PASK: variants seen among roughly 807,000 people sequenced by gnomAD.
PASK encodes PAS domain-containing serine/threonine-protein kinase.
Under a neutral mutation model 121.0 loss-of-function variants are expected in PASK, and 110 were observed. The ratio of observed to expected loss-of-function variants is 0.91; its 90% CI spans 0.78 to 1.06. PASK has a LOEUF of 1.06. PASK is among the 50% of genes least tolerant of loss of function. PASK has a pLI of 0.00. For synonymous variants in PASK, 686 were observed against 717.8 expected, an observed-to-expected ratio of 0.96 and a Z score of 0.71; for missense variants, 1,643 against 1,702.3, an observed-to-expected ratio of 0.97 and a Z score of 0.61.
chr2:241,117,422 G>T (rs1313484013), intron 12 of PASK, among the ~76,000 whole-genome samples: 1 of 152,240 alleles, frequency 6.6e-6, no homozygotes, highest in Non-Finnish European at 1.5e-5. Flanking sequence ...CACTCTAGGT[G>T]AAGAGGCCTG....
chr2:241,130,956 A>G (rs537295786), intron 9 of PASK, among the ~76,000 whole-genome samples: 3 of 152,340 alleles, frequency 2.0e-5, no homozygotes, highest in South Asian at 4.1e-4. Context: ...ACATATGCAC[A>G]TGCACACATA....
intron 10 of PASK, among the ~76,000 whole-genome samples, chr2:241,124,735 A>G (rs554901826): frequency 6.6e-6 from 1 of 152,208 alleles, no homozygotes; most frequent in African/African-American, 2.4e-5. Flanking sequence ...CTTCTTGTTT[A>G]TATTTCTAAT....
At chr2:241,118,121 CTCAGCTGGCTTTTTTGCAAAACTG>C (rs1336389242) in intron 12 of PASK, among the ~76,000 whole-genome samples, 1 of 152,012 alleles carries the variant, frequency 6.6e-6, no homozygotes, top group Non-Finnish European at 1.5e-5. Context: ...CTATGAGAAT[CTCAGCTGGCTTTTTTGCAAAACTG>C]ACAAGCTCAT....
rs781067196 is a variant in PASK at position 241,135,999 on chromosome 2, T to A, written c.1178A>T (p.Asp393Val). Residue 393 changes from aspartate to valine, a missense_variant, in exon 8 of 18, where the codon GAC (aspartate) becomes GTC (valine). Coordinates refer to ENST00000234040, the MANE Select transcript of PASK (RefSeq NM_015148.4). ...CTGTAATGAGCTGTTGTACGCAAGG[T>A]CCATGTAGCTGTAGAAACCAGGAAT... ...FLIPGFYSYM[D>V]LAYNSSLQLP... 2 of 1,613,976 alleles carry A rather than the reference T, an allele frequency of 1.2e-6. No individual in the cohort carries two copies. The highest frequency in any genetic ancestry group is 4.5e-5 in the East Asian group (2 of 44,874).
Position 241,132,889 on chromosome 2 carries a change from G to A in PASK, c.1448C>T (p.Pro483Leu). ...AGGQLLSCLS[P>L]QPAPGVDNVP... Reference sequence around the variant, plus strand: ...AGGGACTTACCCTGGAGCAGGCTGAGGTGAGAGGCAGGAAAGGAGCTGGCC... The same window carrying A: ...AGGGACTTACCCTGGAGCAGGCTGAAGTGAGAGGCAGGAAAGGAGCTGGCC... Residue 483 changes from proline (P) to leucine (L), a missense_variant, in exon 9 of 18, where the codon CCT (proline) becomes CTT (leucine). Pro to Leu is a moderately conservative substitution (Grantham distance 98). Transcript: ENST00000234040. 2 of 1,614,040 alleles carry A rather than the reference G, an allele frequency of 1.2e-6. No individual in the cohort carries two copies. The highest frequency in any genetic ancestry group is 1.7e-5 in the Admixed American group (1 of 60,028).
At chr2:241,145,593 G>A (rs2190656) in intron 1 of PASK, among the ~76,000 whole-genome samples, 78,583 of 151,742 alleles carry the variant, frequency 0.52, 21,017 homozygotes, top group East Asian at 0.89. Context: ...TAAGTTTAAC[G>A]TTAAAATTGA....
intron 9 of PASK, among the ~76,000 whole-genome samples, chr2:241,132,311 T>C (rs1575306488): frequency 1.3e-5 from 2 of 151,262 alleles, no homozygotes; most frequent in African/African-American, 4.9e-5. Flanking sequence ...GATAACAAAG[T>C]CAGGAAATCG....
chr2:241,118,959 C>A, intron 12 of PASK: 1 of 1,018,614 alleles, frequency 9.8e-7, no homozygotes, highest in Non-Finnish European at 1.2e-6. Flanking sequence ...CCGTGGCTGG[C>A]AAGGGCAGCA....
chr2:241,108,563 A>C lies in PASK; in HGVS notation c.3534-263T>G. On this transcript the variant is annotated intron_variant, in intron 15 of 17. Transcript: ENST00000234040. This position sits in a 1 kb window ranked among gnomAD's most constrained non-coding sequence, Gnocchi z 5.2. ...AGGAACTTCCTTGTGGACACCAACC[A>C]CAAGACGTGTCTACCAGAGGGGGGA... 2 of 518,170 alleles carry C rather than the reference A, an allele frequency of 3.9e-6. No homozygotes were observed. Among genetic ancestry groups the C allele is most frequent in the East Asian group, 3.6e-5 (1 of 27,656 alleles). 32.1% of individuals were successfully genotyped at this position (518,170 alleles called of 1,614,324 possible). A position where few individuals can be genotyped will look rare whatever the true frequency, so the allele number is the denominator to read the frequency against.
chr2:241,128,309 G>A (rs550930607), intron 9 of PASK, among the ~76,000 whole-genome samples: 27 of 152,260 alleles, frequency 1.8e-4, no homozygotes, highest in Admixed American at 2.6e-4. Context: ...AAGGGGACAC[G>A]GGCCGAAAAA....
At position 241,112,228 on chromosome 2, in the gene PASK, C is replaced by T. The variant is rs754183483; in HGVS notation, c.3533+12G>A. On this transcript the variant is annotated intron_variant, in intron 15 of 17. Coordinates refer to ENST00000234040, the MANE Select transcript of PASK (RefSeq NM_015148.4). The surrounding 1 kb of genome is among the most constrained non-coding windows in gnomAD (Gnocchi z 5.2). ...GACACGAGGACGGGCCGCACCGCAGCCGCATACGTACGGATTCCCCATGAG... is the reference window on the plus strand; with the variant it reads ...GACACGAGGACGGGCCGCACCGCAGTCGCATACGTACGGATTCCCCATGAG... 5.0e-6 allele frequency: 8 copies of T among 1,606,632 alleles called. No homozygotes were observed. The highest frequency in any genetic ancestry group is 6.8e-6 in the Non-Finnish European group (8 of 1,173,260).
Position 241,140,510 on chromosome 2 carries a change from G to A in PASK, c.429+11C>T. On this transcript the variant is annotated intron_variant, in intron 3 of 17. Transcript: ENST00000234040. ...CATCTACACAGCTGGATCTAAAAGA[G>A]AAGCAAATACCTCTGTGGTCTTGGC... 6.4e-7 allele frequency: 1 copy of A among 1,567,420 alleles called. No individual in the cohort carries two copies. The highest frequency in any genetic ancestry group is 8.8e-7 in the Non-Finnish European group (1 of 1,140,222).
chr2:241,139,685 T>G, intron 4 of PASK, 200 bp downstream of exon 4: 5 of 704,460 alleles, frequency 7.1e-6, no homozygotes, highest in Non-Finnish European at 7.9e-6. Context: ...CCTGCGATGA[T>G]TCGTTCTTAA....
At position 241,126,634 on chromosome 2, in the gene PASK, A is replaced by G. The variant is rs2065878281; in HGVS notation, c.2281T>C (p.Cys761Arg). Residue 761 changes from cysteine to arginine, a missense_variant, in exon 10 of 18, where the codon TGT (cysteine) becomes CGT (arginine). Coordinates refer to ENST00000234040, the MANE Select transcript of PASK (RefSeq NM_015148.4). ...GTCTCTCTGAGTTCAGACGTAGCACAGGAACAATTTGATGACGTTTGGTCT... is the reference window on the plus strand; with the variant it reads ...GTCTCTCTGAGTTCAGACGTAGCACGGGAACAATTTGATGACGTTTGGTCT... ...QTDQTSSNCSCATSELRETPS... is the reference protein window; with the variant it reads ...QTDQTSSNCSRATSELRETPS... 1.2e-6 allele frequency: 2 copies of G among 1,614,122 alleles called. No individual in the cohort carries two copies. The highest frequency in any genetic ancestry group is 1.3e-5 in the African/African-American group (1 of 74,944).
At chr2:241,150,259 C>A (rs1575371118), upstream of PASK, 4 of 1,295,246 alleles carry the variant, frequency 3.1e-6, no homozygotes, top group East Asian at 9.3e-5. Context: ...TCCTTCCCAG[C>A]TTCTCGCCTC....
rs538586991 is a variant in PASK at position 241,140,117 on chromosome 2, G to C, written c.430-62C>G. 2.6e-3 allele frequency: 3,484 copies of C among 1,343,934 alleles called. 14 individuals are homozygous for C. The highest frequency in any genetic ancestry group is 0.011 in the Middle Eastern group (63 of 5,560). 83.3% of individuals were successfully genotyped at this position (1,343,934 alleles called of 1,614,324 possible). A position where few individuals can be genotyped will look rare whatever the true frequency, so the allele number is the denominator to read the frequency against. On this transcript the variant is annotated intron_variant, in intron 3 of 17. Transcript: ENST00000234040. The stretch of plus-strand genomic sequence containing the variant: ...CCCCAGCAGCTCCACCAGCTGCCCA[G>C]AACAGCCCAGGACGACCATGCAGAA...
At chr2:241,122,604 C>T in intron 12 of PASK, 128 bp downstream of exon 12, 1 of 872,830 alleles carries the variant, frequency 1.1e-6, no homozygotes, top group Non-Finnish European at 1.9e-6. Context: ...CGCCCACATG[C>T]CAGGTTGTGT....
chr2:241,106,873 C>G, intron 17 of PASK, 150 bp from the exon 18 acceptor site: 2 of 794,092 alleles, frequency 2.5e-6, no homozygotes, highest in South Asian at 3.0e-5. Context: ...CAGATCCTGC[C>G]AAGGTGGGGA....
intron 1 of PASK, among the ~76,000 whole-genome samples, chr2:241,148,961 C>T (rs1012226125): frequency 2.7e-5 from 4 of 150,386 alleles, no homozygotes; most frequent in Non-Finnish European, 5.9e-5. Context: ...CCACGAGCGC[C>T]GGCGGCGCGC....
Sources: allele counts gnomAD v4.1 joint callset (sites outside exome capture counted in the v4.1 genomes callset), GRCh38; gene constraint gnomAD v4.1.1; non-coding constraint Gnocchi (gnomAD v3.1); transcripts MANE v1.5; gene names NCBI Gene and HGNC (gene_info 2026-07-23, HGNC 2026-07-21).